The following NPLOC4 variants were observed in gnomAD, a reference collection of about 807,000 sequenced individuals.
NPLOC4 encodes NPL4 homolog, ubiquitin recognition factor.
A neutral mutation model predicts 80.6 loss-of-function variants in NPLOC4; 18 were observed. The ratio of observed to expected loss-of-function variants is 0.22; its 90% CI spans 0.15 to 0.33. The LOEUF is 0.33. Among genes scored for constraint, NPLOC4 ranks in the 10% least tolerant of loss-of-function variants. The pLI is 1.00. For missense variants in NPLOC4, 540 were observed against 786.1 expected (o/e 0.69, Z 3.74); for synonymous variants, 313 against 301.5 (o/e 1.04, Z -0.39).
intron 7 of NPLOC4, 45 bp from the exon 8 acceptor site, chr17:81,604,772 A>G: frequency 6.6e-7 from 1 of 1,508,440 alleles, no homozygotes; most frequent in Non-Finnish European, 9.0e-7. Context: ...TGCCATCAAA[A>G]AGAAATCACT....
intron 8 of NPLOC4, among the ~76,000 whole-genome samples, chr17:81,602,233 A>T (rs2035075816): frequency 6.6e-6 from 1 of 151,838 alleles, no homozygotes; most frequent in African/African-American, 2.4e-5. Flanking sequence ...ACAAAACAAA[A>T]CAAACAAACA....
At chr17:81,629,634 TAAG>T in intron 2 of NPLOC4, 88 bp downstream of exon 2, 3 of 1,017,876 alleles carry the variant, frequency 2.9e-6, no homozygotes, top group South Asian at 1.4e-5. Context: ...ATAGGGAAAA[TAAG>T]AAAACGAGGA....
intron 16 of NPLOC4, 68 bp downstream of exon 16, chr17:81,565,437 G>A (rs1285625836): frequency 3.9e-6 from 5 of 1,289,328 alleles, no homozygotes; most frequent in Middle Eastern, 2.2e-4. Flanking sequence ...GCAGTGGGGA[G>A]CTGTGCAGAG....
intron 12 of NPLOC4, among the ~76,000 whole-genome samples, chr17:81,585,671 G>GA (rs1455119376): frequency 1.4e-5 from 2 of 141,906 alleles, no homozygotes; most frequent in South Asian, 2.4e-4. Context: ...TGGGGGGGGG[G>GA]GGAAAGAAAG....
At chr17:81,626,983 G>C (rs2035811068) in intron 2 of NPLOC4, among the ~76,000 whole-genome samples, 1 of 151,954 alleles carries the variant, frequency 6.6e-6, no homozygotes, top group East Asian at 1.9e-4. Flanking sequence ...CCAGCTACTC[G>C]GGAGGCTGAG....
intron 3 of NPLOC4, 60 bp downstream of exon 3, chr17:81,622,106 G>T (rs2035685303): frequency 6.4e-6 from 8 of 1,251,938 alleles, no homozygotes; most frequent in Non-Finnish European, 9.4e-6. Context: ...GGCAACCTCG[G>T]GCAGATCATG....
Position 81,629,720 on chromosome 17 carries a change from G to C in NPLOC4, c.96+5C>G. The C allele has an allele frequency of 6.2e-7, 1 of 1,608,568 alleles. No individual in the cohort carries two copies. The highest frequency in any genetic ancestry group is 8.5e-7 in the Non-Finnish European group (1 of 1,175,000). ...CCTGAGGGTCAATACCCAGGCCACA[G>C]ATACCTTTTTCAAAAATGTTGCTGC... is the stretch of plus-strand genomic sequence containing the variant. On this transcript the variant is annotated splice_donor_5th_base_variant and intron_variant, in intron 2 of 16. Coordinates refer to ENST00000331134, the MANE Select transcript of NPLOC4 (RefSeq NM_017921.4).
chr17:81,588,756 T>C (rs1038547196), intron 12 of NPLOC4, among the ~76,000 whole-genome samples, 188 bp downstream of exon 12: 1 of 152,210 alleles, frequency 6.6e-6, no homozygotes, highest in African/African-American at 2.4e-5. Flanking sequence ...TGAGAAGCCC[T>C]ACGCCATGGA....
At chr17:81,597,574 C>T (rs1321329738) in intron 9 of NPLOC4, among the ~76,000 whole-genome samples, 10 of 151,332 alleles carry the variant, frequency 6.6e-5, no homozygotes, top group Non-Finnish European at 1.0e-4. Flanking sequence ...CACCCGAGGT[C>T]GGGAGTTCGA....
rs1050143556 is a variant in NPLOC4 at position 81,577,293 on chromosome 17, C to T, written c.1282-5205G>A. On this transcript the variant is annotated intron_variant, in intron 12 of 16. Transcript: ENST00000331134. The surrounding 1 kb of genome is among the most constrained non-coding windows in gnomAD (Gnocchi z 4.3). The stretch of plus-strand genomic sequence containing the variant: ...TCCGCACAGCTCTCCAGACAGAGGA[C>T]CCCAGCACTGTCCCTTGGCACCAGG... 3.3e-5 allele frequency among the ~76,000 whole-genome samples: 5 copies of T among 152,028 alleles called. No individual in the cohort carries two copies. Among genetic ancestry groups the T allele is most frequent in the African/African-American group, 9.7e-5 (4 of 41,372 alleles).
chr17:81,637,036 ACGCCGCCGC>A lies in NPLOC4; in HGVS notation c.-115_-107del, dbSNP rs2036101473. On this transcript the variant is annotated 5_prime_UTR_variant, in exon 1 of 17. Transcript: ENST00000331134. Reference sequence around the variant, plus strand: ...CCTCAGCCCCGGCCCCGGCCTCCCTACGCCGCCGCCACCGCCGCTCCAGCTTCGCCCGCC... The same window carrying A: ...CCTCAGCCCCGGCCCCGGCCTCCCTACACCGCCGCTCCAGCTTCGCCCGCC... 3.1e-6 allele frequency: 2 copies of A among 643,614 alleles called. No homozygotes were observed. The highest frequency in any genetic ancestry group is 8.9e-5 in the East Asian group (2 of 22,392). 39.9% of individuals were successfully genotyped at this position (643,614 alleles called of 1,614,324 possible). A position where few individuals can be genotyped will look rare whatever the true frequency, so the allele number is the denominator to read the frequency against.
chr17:81,588,826 G>C lies in NPLOC4; in HGVS notation c.1281+118C>G, dbSNP rs142504917. Reference sequence around the variant, plus strand: ...GACAGAAGCCTTTAGTGACAAGCAGGGTTCAACCACAGCTGACAAACGGCT... The same window carrying C: ...GACAGAAGCCTTTAGTGACAAGCAGCGTTCAACCACAGCTGACAAACGGCT... On this transcript the variant is annotated intron_variant, in intron 12 of 16. Coordinates refer to ENST00000331134, the MANE Select transcript of NPLOC4 (RefSeq NM_017921.4). 4.8e-3 allele frequency: 4,002 copies of C among 831,588 alleles called. 26 individuals are homozygous for C. Among genetic ancestry groups the C allele is most frequent in the Non-Finnish European group, 6.1e-3 (3,195 of 526,144 alleles). The allele number at this position is 831,588 out of a possible 1,614,324, so 51.5% of individuals were successfully genotyped here. A position where few individuals can be genotyped will look rare whatever the true frequency, so the allele number is the denominator to read the frequency against.
intron 2 of NPLOC4, among the ~76,000 whole-genome samples, chr17:81,623,337 G>A (rs1041323309): frequency 4.7e-5 from 7 of 149,250 alleles, no homozygotes; most frequent in Non-Finnish European, 1.0e-4. Flanking sequence ...GCATGGTGGC[G>A]CACACCTGTA....
At position 81,559,489 on chromosome 17, in the gene NPLOC4, G is replaced by T. The variant is rs547385419; in HGVS notation, c.1670-73C>A. ...AGACTGCCAGAGTGTGGGCATGGGG[G>T]CAGGGGCAGGCAGCTGAGAGCTCCC... On this transcript the variant is annotated intron_variant, in intron 16 of 16. Coordinates refer to ENST00000331134, the MANE Select transcript of NPLOC4 (RefSeq NM_017921.4). The T allele has an allele frequency of 1.1e-5, 16 of 1,478,342 alleles. No individual in the cohort carries two copies. In the South Asian group the frequency reaches 1.7e-4, roughly 16 times the overall value. The allele number at this position is 1,478,342 out of a possible 1,614,324, so 91.6% of individuals were successfully genotyped here.
intron 4 of NPLOC4, among the ~76,000 whole-genome samples, chr17:81,612,356 C>T (rs1444604459): frequency 1.3e-5 from 2 of 152,128 alleles, no homozygotes; most frequent in East Asian, 1.9e-4. Flanking sequence ...AATTCTCTCA[C>T]ACACACACGC....
intron 3 of NPLOC4, among the ~76,000 whole-genome samples, chr17:81,620,748 T>C (rs1053610748): frequency 2.0e-4 from 30 of 152,066 alleles, no homozygotes; most frequent in Non-Finnish European, 3.2e-4. Flanking sequence ...GGGACAAGCG[T>C]GGTCGTGAGC....
intron 1 of NPLOC4, among the ~76,000 whole-genome samples, chr17:81,634,039 A>ATT (rs57146509): frequency 7.1e-6 from 1 of 140,970 alleles, no homozygotes; most frequent in South Asian, 2.3e-4. Flanking sequence ...AATTTTTTGT[A>ATT]TTTTTTTTTT....
In NPLOC4 at chr17:81,559,346, A is replaced by G. The variant is rs911783037; in HGVS notation, c.1740T>C (p.Thr580=). ...GAVGGSTHTA[T]AAMWACQHCT... Reference sequence around the variant, plus strand: ...AGTGCTGACAGGCCCACATGGCTGCAGTGGCCGTGTGTGTGGAGCCCCCGA... The same window carrying G: ...AGTGCTGACAGGCCCACATGGCTGCGGTGGCCGTGTGTGTGGAGCCCCCGA... Residue 580 remains threonine (T), a synonymous_variant, in exon 17 of 17, where the codon ACT becomes ACC. Transcript: ENST00000331134. The G allele has an allele frequency of 6.2e-7, 1 of 1,607,420 alleles. No individual in the cohort carries two copies.
At chr17:81,622,024 C>T (rs2035682415) in intron 3 of NPLOC4, 142 bp downstream of exon 3, 2 of 636,004 alleles carry the variant, frequency 3.1e-6, no homozygotes, top group African/African-American at 3.7e-5. Flanking sequence ...TGGCAAGCAA[C>T]ACGGTCATGT....
Sources: gnomAD v4.1 joint callset for allele counts (sites outside exome capture counted in the v4.1 genomes callset) on GRCh38, gnomAD v4.1.1 for gene constraint, Gnocchi (gnomAD v3.1) non-coding constraint, MANE v1.5 for transcripts, NCBI Gene and HGNC (gene_info 2026-07-23, HGNC 2026-07-21) for gene names.